The following CCDC187 variants were observed in gnomAD, a reference collection of about 807,000 sequenced individuals.
The protein encoded by CCDC187 is coiled-coil domain containing 187.
Under a neutral mutation model 38.0 loss-of-function variants are expected in CCDC187, and 32 were observed. That is an observed-to-expected ratio of 0.84 (90% confidence interval 0.64 to 1.13). The LOEUF (loss-of-function observed/expected upper bound fraction) is 1.13, where lower values mean the gene tolerates loss of function less well. Ranked by LOEUF, CCDC187 falls within the 50% of genes most tolerant of loss-of-function variation. The pLI is 0.00. For missense variants in CCDC187, 707 were observed against 786.8 expected (o/e 0.90, Z 1.21); for synonymous variants, 333 against 347.9 (o/e 0.96, Z 0.48).
chr9:136,256,640 A>G (rs1460504704), intron 23 of CCDC187, 65 bp downstream of exon 23: 1 of 152,292 alleles, frequency 6.6e-6, no homozygotes, highest in Non-Finnish European at 1.5e-5. Context: ...GAGACCCCTC[A>G]GGGCCACACA....
intron 2 of CCDC187, among the ~76,000 whole-genome samples, chr9:136,300,764 AT>A (rs1831659730): frequency 6.6e-6 from 1 of 151,976 alleles, no homozygotes; most frequent in Non-Finnish European, 1.5e-5. Flanking sequence ...CACCTGGCTA[AT>A]TTTTTTGTAT....
In CCDC187 at chr9:136,253,020, A is replaced by G. The variant is rs375941889; in HGVS notation, c.*574T>C. The G allele has an allele frequency of 8.5e-4, 130 of 152,810 alleles. No homozygotes were observed. The South Asian group carries it at 8.9e-3, about 10-fold the overall frequency. The allele number at this position is 152,810 out of a possible 1,614,324, so 9.5% of individuals were successfully genotyped here. ...GCTGCCGGGGCTGCCAACCAGGGAC[A>G]TGGAGGTGTGGCTGCCTGTGGGGGT... On this transcript the variant is annotated 3_prime_UTR_variant, in exon 26 of 26. Coordinates refer to ENST00000638797, the MANE Select transcript of CCDC187 (RefSeq NM_001378188.1).
rs1204068299 is a variant in CCDC187, at chr9:136,252,620, C to A, written c.*974G>T. On this transcript the variant is annotated 3_prime_UTR_variant, in exon 26 of 26. Coordinates refer to ENST00000638797, the MANE Select transcript of CCDC187 (RefSeq NM_001378188.1). Reference sequence around the variant, plus strand: ...GAAAGTCCAGGCCTCTAGGTTCTTACTCCCACGTGTGCATGTGTATGCCAC... The same window carrying A: ...GAAAGTCCAGGCCTCTAGGTTCTTAATCCCACGTGTGCATGTGTATGCCAC... The A allele has an allele frequency of 6.0e-6, 1 of 166,248 alleles. No homozygotes were observed. The highest frequency in any genetic ancestry group is 1.3e-5 in the Non-Finnish European group (1 of 76,312). The allele number at this position is 166,248 out of a possible 1,614,324, so 10.3% of individuals were successfully genotyped here.
rs896583553 is a variant in CCDC187, at chr9:136,257,534, C to T, written c.4367-693G>A. The stretch of plus-strand genomic sequence containing the variant: ...CAGAGGGCCGGTGGGGGGCAGGCCT[C>T]GGACACAGCAAGGCCACCAGTGCAC... On this transcript the variant is annotated intron_variant, in intron 22 of 25. Coordinates refer to ENST00000638797, the MANE Select transcript of CCDC187 (RefSeq NM_001378188.1). This position sits in a 1 kb window ranked among gnomAD's most constrained non-coding sequence, Gnocchi z 4.5. Among the ~76,000 whole-genome samples the T allele has an allele frequency of 1.3e-5, 2 of 152,072 alleles. No individual in the cohort carries two copies. Among genetic ancestry groups the T allele is most frequent in the Non-Finnish European group, 2.9e-5 (2 of 68,026 alleles).
intron 3 of CCDC187, among the ~76,000 whole-genome samples, chr9:136,299,385 T>G (rs1434893564): frequency 6.6e-6 from 1 of 152,194 alleles, no homozygotes; most frequent in African/African-American, 2.4e-5. Context: ...ACTGCACCGC[T>G]GGGATGGACA....
At chr9:136,279,582 T>C (rs1318724737) in intron 10 of CCDC187, among the ~76,000 whole-genome samples, 2 of 152,216 alleles carry the variant, frequency 1.3e-5, no homozygotes, top group African/African-American at 4.8e-5. Flanking sequence ...GAACTGTCTG[T>C]GACTCACAGC....
At chr9:136,279,342 A>G (rs1244649868) in intron 10 of CCDC187, among the ~76,000 whole-genome samples, 18 of 146,786 alleles carry the variant, frequency 1.2e-4, no homozygotes, top group Admixed American at 1.0e-3. Context: ...GTTTATGTCT[A>G]GAAGATTCTC....
At position 136,258,351 on chromosome 9, in the gene CCDC187, C is replaced by T. The variant is rs1453208578; in HGVS notation, c.4366+581G>A. Reference sequence around the variant, plus strand: ...TTGGGTGGCATAGTCTCCCTGCTTCCGAGGATGGACACTGGGTGGGGGCCT... The same window carrying T: ...TTGGGTGGCATAGTCTCCCTGCTTCTGAGGATGGACACTGGGTGGGGGCCT... On this transcript the variant is annotated intron_variant, in intron 22 of 25. Transcript: ENST00000638797. The surrounding 1 kb of genome is among the most constrained non-coding windows in gnomAD (Gnocchi z 4.3). Among the ~76,000 whole-genome samples the T allele has an allele frequency of 4.6e-5, 7 of 152,308 alleles. No individual in the cohort carries two copies. The highest frequency in any genetic ancestry group is 1.3e-4 in the Admixed American group (2 of 15,308).
At chr9:136,293,888 ACACACAACC>A (rs1831454079) in intron 4 of CCDC187, among the ~76,000 whole-genome samples, 1 of 151,474 alleles carries the variant, frequency 6.6e-6, no homozygotes, top group Non-Finnish European at 1.5e-5. Context: ...TCACACGCTC[ACACACAACC>A]ACACACACTC....
intron 10 of CCDC187, chr9:136,281,268 G>T: frequency 5.0e-6 from 2 of 397,664 alleles, no homozygotes; most frequent in East Asian, 3.6e-5. Context: ...GCCCTAGGAG[G>T]TGGGCTGGGC....
intron 9 of CCDC187, among the ~76,000 whole-genome samples, chr9:136,284,378 G>A (rs896768542): frequency 6.6e-6 from 1 of 152,184 alleles, no homozygotes; most frequent in Admixed American, 6.5e-5. Context: ...GCCACGCATT[G>A]AGGGTGCACA....
intron 10 of CCDC187, among the ~76,000 whole-genome samples, chr9:136,279,574 ACTGT>A (rs1831000552): frequency 6.6e-6 from 1 of 152,226 alleles, no homozygotes; most frequent in Admixed American, 6.5e-5. Context: ...AGCCATTGGA[ACTGT>A]CTGTGACTCA....
chr9:136,269,088 G>A (rs1396597350), intron 14 of CCDC187, among the ~76,000 whole-genome samples: 3 of 152,206 alleles, frequency 2.0e-5, no homozygotes, highest in South Asian at 4.1e-4. Context: ...GGATGAATGC[G>A]TGTCAAGAAG....
intron 14 of CCDC187, among the ~76,000 whole-genome samples, chr9:136,273,446 G>C (rs900921496): frequency 1.3e-5 from 2 of 152,204 alleles, no homozygotes; most frequent in African/African-American, 4.8e-5. Flanking sequence ...TCATGATAGA[G>C]GGGTGAGTTC....
chr9:136,305,646 G>A (rs907908240), upstream of CCDC187, among the ~76,000 whole-genome samples: 12 of 152,238 alleles, frequency 7.9e-5, no homozygotes, highest in Non-Finnish European at 1.6e-4. Context: ...TCTCCCATGA[G>A]CAGGAAAACC....
intron 3 of CCDC187, among the ~76,000 whole-genome samples, chr9:136,299,957 A>G (rs1831634425): frequency 6.6e-6 from 1 of 152,150 alleles, no homozygotes; most frequent in Admixed American, 6.5e-5. Context: ...CAAACAAACA[A>G]CAACAACAAA....
At chr9:136,287,131 CGG>C (rs1271490863) in intron 7 of CCDC187, among the ~76,000 whole-genome samples, 4 of 152,172 alleles carry the variant, frequency 2.6e-5, no homozygotes, top group Non-Finnish European at 4.4e-5. Flanking sequence ...GAGGGACGAA[CGG>C]AGAAGCAAAA....
In CCDC187 at chr9:136,257,561, G is replaced by T. The variant is rs150864403; in HGVS notation, c.4367-720C>A. ...GACACAGCAAGGCCACCAGTGCACC[G>T]CCGGGGATCACAAAGGGGGACAAAG... On this transcript the variant is annotated intron_variant, in intron 22 of 25. Transcript: ENST00000638797. This position sits in a 1 kb window ranked among gnomAD's most constrained non-coding sequence, Gnocchi z 4.5. Among the ~76,000 whole-genome samples, 1 of 152,104 alleles carries T rather than the reference G, an allele frequency of 6.6e-6. No homozygotes were observed. Among genetic ancestry groups the T allele is most frequent in the Non-Finnish European group, 1.5e-5 (1 of 68,026 alleles).
chr9:136,278,898 A>G (rs1446655777), intron 10 of CCDC187, among the ~76,000 whole-genome samples: 6 of 152,224 alleles, frequency 3.9e-5, no homozygotes, highest in Non-Finnish European at 8.8e-5. Context: ...ATATTGTACA[A>G]CTCAGAATCC....
Sources: allele counts gnomAD v4.1 joint callset (sites outside exome capture counted in the v4.1 genomes callset), GRCh38; gene constraint gnomAD v4.1.1; non-coding constraint Gnocchi (gnomAD v3.1); transcripts MANE v1.5; gene names NCBI Gene and HGNC (gene_info 2026-07-23, HGNC 2026-07-21).